Variants in DAB1 observed in about 807,000 individuals in gnomAD.
The protein encoded by DAB1 is disabled homolog 1.
A neutral mutation model predicts 64.6 loss-of-function variants in DAB1; 15 were observed. The observed-to-expected ratio is 0.23, with a 90% CI of 0.16 to 0.36. DAB1 has a LOEUF of 0.36. Ranked by LOEUF, DAB1 falls within the 10% of genes least tolerant of loss-of-function variation. DAB1 has a pLI of 1.00. For synonymous variants in DAB1, 235 were observed against 251.9 expected, an observed-to-expected ratio of 0.93 and a Z score of 0.64; for missense variants, 596 against 706.7, an observed-to-expected ratio of 0.84 and a Z score of 1.78.
At chr1:58,249,757 G>C (rs1660715361) in intron 4 of DAB1, among the ~76,000 whole-genome samples, 1 of 152,186 alleles carries the variant, frequency 6.6e-6, no homozygotes, top group Admixed American at 6.5e-5. Context: ...GGCCTCGACT[G>C]GGGTGTCAGG....
chr1:58,039,046 T>A (rs1021585815), intron 5 of DAB1, among the ~76,000 whole-genome samples: 14 of 152,240 alleles, frequency 9.2e-5, no homozygotes, highest in African/African-American at 3.1e-4. Context: ...CCCGACTCTG[T>A]TAACTATGTC....
At chr1:57,226,599 T>C (rs72921348) in intron 2 of DAB1, among the ~76,000 whole-genome samples, 166 of 150,686 alleles carry the variant, frequency 1.1e-3, no homozygotes, top group African/African-American at 4.1e-3. Context: ...ATAAGTGATC[T>C]TCAACCTAAA....
chr1:57,999,180 T>G (rs1430516988), intron 5 of DAB1, among the ~76,000 whole-genome samples: 1 of 152,338 alleles, frequency 6.6e-6, no homozygotes, highest in East Asian at 1.9e-4. Context: ...CAGGGTCCTA[T>G]GCTAAGTATC....
intron 7 of DAB1, among the ~76,000 whole-genome samples, chr1:57,461,148 C>T (rs530860929): frequency 1.6e-4 from 25 of 152,306 alleles, no homozygotes; most frequent in East Asian, 1.4e-3. Context: ...TGGCAACTCT[C>T]CTCATGGCTG....
At chr1:57,372,828 G>A (rs945853286) in intron 1 of DAB1, among the ~76,000 whole-genome samples, 3 of 152,056 alleles carry the variant, frequency 2.0e-5, no homozygotes, top group Non-Finnish European at 2.9e-5. Context: ...ACTTCTCGGA[G>A]TATCCACTTT....
chr1:57,997,385 C>T, intron 5 of DAB1, among the ~76,000 whole-genome samples: 1 of 152,212 alleles, frequency 6.6e-6, no homozygotes, highest in East Asian at 1.9e-4. Flanking sequence ...GCACTTGAAT[C>T]TCTCAAGTTG....
At chr1:57,501,595 G>A (rs1644290394) in intron 7 of DAB1, among the ~76,000 whole-genome samples, 1 of 152,186 alleles carries the variant, frequency 6.6e-6, no homozygotes, top group African/African-American at 2.4e-5. Flanking sequence ...TAAAGTAAGG[G>A]ATGCTATATT....
At chr1:57,660,340 A>G (rs1328763702) in intron 6 of DAB1, among the ~76,000 whole-genome samples, 4 of 152,190 alleles carry the variant, frequency 2.6e-5, no homozygotes, top group Non-Finnish European at 5.9e-5. Context: ...TTCTACTCTT[A>G]GTCAAAGGCT....
In DAB1 at chr1:57,972,492, C is replaced by T. The variant is rs538044777; in HGVS notation, n.388-88330G>A. Among the ~76,000 whole-genome samples the T allele has an allele frequency of 8.5e-5, 13 of 152,336 alleles. No homozygotes were observed. In the South Asian group the frequency reaches 2.7e-3, roughly 32 times the overall value. Reference sequence around the variant, plus strand: ...TCCTGGCCTCAAGTGGCCCTCCCACCTCAGCCTCCCCAAGTGCTGGGATTA... The same window carrying T: ...TCCTGGCCTCAAGTGGCCCTCCCACTTCAGCCTCCCCAAGTGCTGGGATTA... On this transcript the variant is annotated intron_variant and non_coding_transcript_variant, in intron 5 of 20. Transcript: ENST00000485760.
rs897170013 is a variant in DAB1 at position 57,214,867 on chromosome 1, C to T, written c.68-69438G>A. Among the ~76,000 whole-genome samples, 6 of 135,520 alleles carry T rather than the reference C, an allele frequency of 4.4e-5. No homozygotes were observed. The East Asian group carries it at 1.1e-3, about 25-fold the overall frequency. 88.9% of individuals were successfully genotyped at this position (135,520 alleles called of 152,430 possible). ...TGGAGCTTGTCGTGAGCTGAGATCA[C>T]GCCACTGCACTCCAGCCTGGGCGAC... On this transcript the variant is annotated intron_variant, in intron 2 of 14. Transcript: ENST00000371236.
chr1:57,729,364 G>C (rs1382299600), intron 6 of DAB1, among the ~76,000 whole-genome samples: 1 of 152,206 alleles, frequency 6.6e-6, no homozygotes, highest in East Asian at 1.9e-4. Context: ...TATGAGCCCA[G>C]CGGCAGGTGA....
At chr1:57,750,010 A>T (rs1167458599) in intron 6 of DAB1, among the ~76,000 whole-genome samples, 1 of 152,110 alleles carries the variant, frequency 6.6e-6, no homozygotes, top group African/African-American at 2.4e-5. Flanking sequence ...GGTCAAGCAG[A>T]GGGCTTTGGG....
chr1:57,801,326 G>A (rs1019301926), intron 6 of DAB1, among the ~76,000 whole-genome samples: 2 of 152,136 alleles, frequency 1.3e-5, no homozygotes, highest in Non-Finnish European at 2.9e-5. Flanking sequence ...GGTTATCCAC[G>A]GGTATGTAAA....
chr1:58,349,171 T>C (rs2100513181), intron 3 of DAB1, among the ~76,000 whole-genome samples: 1 of 152,254 alleles, frequency 6.6e-6, no homozygotes, highest in Middle Eastern at 3.4e-3. Flanking sequence ...TTGGTTTGAG[T>C]ATCTGAGCTC....
intron 7 of DAB1, among the ~76,000 whole-genome samples, chr1:57,578,059 T>C (rs571029863): frequency 6.6e-6 from 1 of 152,194 alleles, no homozygotes; most frequent in Non-Finnish European, 1.5e-5. Flanking sequence ...TGTCAGTGAG[T>C]GGAGAAAGCC....
At chr1:58,437,135 G>T (rs941202237) in intron 3 of DAB1, among the ~76,000 whole-genome samples, 1 of 152,166 alleles carries the variant, frequency 6.6e-6, no homozygotes, top group African/African-American at 2.4e-5. Flanking sequence ...CCACCTCAGA[G>T]AATAGTTGTC....
chr1:57,814,773 C>A (rs1651774902), intron 6 of DAB1, among the ~76,000 whole-genome samples: 1 of 152,164 alleles, frequency 6.6e-6, no homozygotes, highest in African/African-American at 2.4e-5. Context: ...TGTGAGGTTT[C>A]CTTGAAGGAC....
At chr1:57,872,704 T>A (rs2101959088) in intron 1 of DAB1, among the ~76,000 whole-genome samples, 1 of 152,126 alleles carries the variant, frequency 6.6e-6, no homozygotes, top group South Asian at 2.1e-4. Context: ...GTATGGTCAG[T>A]GTTGTGGAGC....
intron 6 of DAB1, among the ~76,000 whole-genome samples, chr1:57,742,344 T>C (rs548369537): frequency 6.6e-6 from 1 of 152,278 alleles, no homozygotes; most frequent in South Asian, 2.1e-4. Flanking sequence ...ATGTTAATAA[T>C]GAATTTAAGG....
Sources: gnomAD v4.1 joint callset for allele counts (sites outside exome capture counted in the v4.1 genomes callset) on GRCh38, gnomAD v4.1.1 for gene constraint, MANE v1.5 for transcripts, NCBI Gene and HGNC (gene_info 2026-07-23, HGNC 2026-07-21) for gene names.